Variants in ZNF292 observed in about 807,000 individuals in gnomAD.
ZNF292 encodes the protein zinc finger protein 292.
In ZNF292, 26 loss-of-function variants were observed where a neutral mutation model predicts 217.9. The ratio of observed to expected loss-of-function variants is 0.12; its 90% CI spans 0.09 to 0.17. The LOEUF is 0.17. ZNF292 is among the 10% of genes least tolerant of loss of function. The probability of loss-of-function intolerance (pLI) is 1.00; values close to 1 mark genes in which losing one functional copy is unlikely to be tolerated. For missense variants in ZNF292, 2,904 were observed against 3,175.2 expected (o/e 0.91, Z 2.05); for synonymous variants, 1,257 against 1,124.1 (o/e 1.12, Z -2.37).
chr6:87,241,236 A>G (rs1484157325), intron 5 of ZNF292, among the ~76,000 whole-genome samples: 1 of 152,142 alleles, frequency 6.6e-6, no homozygotes, highest in Non-Finnish European at 1.5e-5. Context: ...GTGAGCTGAG[A>G]TGGCACCACT....
Position 87,259,314 on chromosome 6 carries a change from T to C in ZNF292, c.5685T>C (p.Asn1895=). ...CTGAAATGATAAACATTCAATTTAA[T>C]GACAAAGTTAATAAACCCTTTGTGT... is the stretch of plus-strand genomic sequence containing the variant. ...PVSEMINIQF[N]DKVNKPFVCQ... The change falls in exon 8 of 8, where the codon AAT becomes AAC. Residue 1895 remains asparagine (N), a synonymous_variant. Coordinates refer to ENST00000369577, the MANE Select transcript of ZNF292 (RefSeq NM_015021.3). 1 of 1,613,578 alleles carries C rather than the reference T, an allele frequency of 6.2e-7. No individual in the cohort carries two copies. The highest frequency in any genetic ancestry group is 8.5e-7 in the Non-Finnish European group (1 of 1,179,660).
chr6:87,233,761 C>A, intron 5 of ZNF292: 1 of 637,860 alleles, frequency 1.6e-6, no homozygotes, highest in Non-Finnish European at 2.0e-6. Flanking sequence ...AATGCTTTGG[C>A]TAAATTGTGG....
chr6:87,230,401 A>G (rs1177967313), intron 4 of ZNF292, among the ~76,000 whole-genome samples: 1 of 152,174 alleles, frequency 6.6e-6, no homozygotes, highest in Non-Finnish European at 1.5e-5. Context: ...GTATTTAATT[A>G]TCTTTAATGT....
Position 87,215,905 on chromosome 6 carries a change from A to T in ZNF292, c.171A>T (p.Thr57=). Reference sequence around the variant, plus strand: ...TTTTATTATTCCTTCCAAAACAGACACTCCTAGAATATGCAGAGAAATGGA... The same window carrying T: ...TTTTATTATTCCTTCCAAAACAGACTCTCCTAGAATATGCAGAGAAATGGA... ...ATDYCQQLCQ[T]LLEYAEKWKT... is the part of the protein sequence containing the mutation. The change falls in exon 2 of 8, where the codon ACA becomes ACT. Residue 57 remains threonine, a splice_region_variant and synonymous_variant. Coordinates refer to ENST00000369577, the MANE Select transcript of ZNF292 (RefSeq NM_015021.3). 1 of 1,577,758 alleles carries T rather than the reference A, an allele frequency of 6.3e-7. No individual in the cohort carries two copies. Among genetic ancestry groups the T allele is most frequent in the Middle Eastern group, 1.7e-4 (1 of 5,920 alleles).
chr6:87,228,342 T>G (rs955184914), intron 4 of ZNF292, among the ~76,000 whole-genome samples: 2 of 152,238 alleles, frequency 1.3e-5, no homozygotes, highest in Non-Finnish European at 2.9e-5. Context: ...TTATCAGAGA[T>G]ATGATTTGCA....
rs975254855 is a variant in ZNF292 at position 87,260,690 on chromosome 6, A to G, written c.7061A>G (p.Asn2354Ser). ...GCAAAGATTGTGCAGATTGAAGAAA[A>G]TAAGCCTTATTCTCTGAAACGTGGG... ...KNAKIVQIEE[N>S]KPYSLKRGKH... Residue 2354 changes from asparagine to serine, a missense_variant, in exon 8 of 8, where the codon AAT becomes AGT. Around this residue, in one of 15 missense-constraint regions of ZNF292, gnomAD observed 101 missense variants for 89.5 expected, o/e 1.13. Coordinates refer to ENST00000369577, the MANE Select transcript of ZNF292 (RefSeq NM_015021.3). 3.8e-5 allele frequency: 61 copies of G among 1,612,962 alleles called. 1 individual carries two copies. The highest frequency in any genetic ancestry group is 4.8e-5 in the Non-Finnish European group (57 of 1,179,556).
intron 1 of ZNF292, among the ~76,000 whole-genome samples, chr6:87,192,106 A>G (rs1455190401): frequency 6.6e-6 from 1 of 152,230 alleles, no homozygotes; most frequent in African/African-American, 2.4e-5. Flanking sequence ...CTACAAAAAC[A>G]TTTATAATGT....
At chr6:87,245,232 T>C (rs1362466714) in intron 6 of ZNF292, among the ~76,000 whole-genome samples, 1 of 151,734 alleles carries the variant, frequency 6.6e-6, no homozygotes, top group East Asian at 1.9e-4. Context: ...AGTGAGACTG[T>C]CTCAGAAAAA....
Position 87,259,602 on chromosome 6 carries a change from A to G in ZNF292, c.5973A>G (p.Lys1991=), listed in dbSNP as rs1007405122. The change falls in exon 8 of 8, where the codon AAA becomes AAG. Residue 1991 remains lysine, a synonymous_variant. Coordinates refer to ENST00000369577, the MANE Select transcript of ZNF292 (RefSeq NM_015021.3). ...AAATTAAAAGGCCTTATGGAAGAAA[A>G]TCTCAGAGTGAAAATGTGCCGGCCT... is the stretch of plus-strand genomic sequence containing the variant. ...KLKIKRPYGR[K]SQSENVPASR... 4 of 1,578,666 alleles carry G rather than the reference A, an allele frequency of 2.5e-6. No homozygotes were observed. In the African/African-American group the frequency reaches 4.1e-5, roughly 16 times the overall value.
At chr6:87,220,552 CTACTCTAAATAAAGGAGT>C in intron 4 of ZNF292, among the ~76,000 whole-genome samples, 1 of 152,300 alleles carries the variant, frequency 6.6e-6, no homozygotes, top group East Asian at 1.9e-4. Context: ...AGAGTTGCAC[CTACTCTAAATAAAGGAGT>C]AACTCCTTTT....
intron 5 of ZNF292, among the ~76,000 whole-genome samples, chr6:87,242,000 C>T (rs1279598289): frequency 1.3e-5 from 2 of 152,114 alleles, no homozygotes; most frequent in Non-Finnish European, 2.9e-5. Context: ...GATGTAGCCC[C>T]ATCATAAGTC....
At chr6:87,196,719 T>C (rs1445382222) in intron 1 of ZNF292, among the ~76,000 whole-genome samples, 1 of 152,216 alleles carries the variant, frequency 6.6e-6, no homozygotes, top group African/African-American at 2.4e-5. Context: ...ATTTCAGAAC[T>C]GTGCAAAAGC....
In ZNF292 at chr6:87,167,306, A is replaced by G. The variant is rs146519798; in HGVS notation, c.168+11547A>G. 2.7e-3 allele frequency among the ~76,000 whole-genome samples: 408 copies of G among 152,276 alleles called. 2 individuals are homozygous for G. Among genetic ancestry groups the G allele is most frequent in the African/African-American group, 9.0e-3 (372 of 41,558 alleles). ...GCAATCCTGAAATCTTTTTTCCCTC[A>G]ATACATTTTGTTTTCAGTTAAAGTA... On this transcript the variant is annotated intron_variant, in intron 1 of 7. Coordinates refer to ENST00000369577, the MANE Select transcript of ZNF292 (RefSeq NM_015021.3).
chr6:87,219,386 G>A (rs1772961196), intron 4 of ZNF292, among the ~76,000 whole-genome samples: 1 of 152,162 alleles, frequency 6.6e-6, no homozygotes, highest in African/African-American at 2.4e-5. Flanking sequence ...AACTAAAGAA[G>A]TAAATTTTTT....
chr6:87,236,267 A>G (rs1028852893), intron 5 of ZNF292, among the ~76,000 whole-genome samples: 3 of 152,224 alleles, frequency 2.0e-5, no homozygotes, highest in African/African-American at 4.8e-5. Context: ...GGAGTCAGCA[A>G]TGGCCTGGAT....
intron 5 of ZNF292, among the ~76,000 whole-genome samples, chr6:87,238,070 C>T (rs2127830092): frequency 6.6e-6 from 1 of 152,212 alleles, no homozygotes; most frequent in Non-Finnish European, 1.5e-5. Context: ...AAAATTGTTT[C>T]ATTAGTATGC....
At chr6:87,244,819 A>ATT (rs574346736) in intron 6 of ZNF292, among the ~76,000 whole-genome samples, 1 of 151,840 alleles carries the variant, frequency 6.6e-6, no homozygotes, top group Admixed American at 6.6e-5. Context: ...CATGTCATTG[A>ATT]TTTTTTTTAT....
chr6:87,210,310 G>A (rs1299195336), intron 1 of ZNF292, among the ~76,000 whole-genome samples: 1 of 151,846 alleles, frequency 6.6e-6, no homozygotes, highest in Non-Finnish European at 1.5e-5. Context: ...TTTAATTTGT[G>A]GTATCAAAAT....
At chr6:87,201,950 A>G (rs537242504) in intron 1 of ZNF292, among the ~76,000 whole-genome samples, 2 of 152,356 alleles carry the variant, frequency 1.3e-5, no homozygotes, top group Admixed American at 6.5e-5. Context: ...GTCTATAACA[A>G]AATCACACTG....
Sources: gnomAD v4.1 joint callset for allele counts (sites outside exome capture counted in the v4.1 genomes callset) on GRCh38, gnomAD v4.1.1 for gene constraint, gnomAD v4.1.1 regional missense constraint, MANE v1.5 for transcripts, NCBI Gene and HGNC (gene_info 2026-07-23, HGNC 2026-07-21) for gene names.